Variants in RERE observed in about 807,000 individuals in gnomAD.
RERE encodes the protein arginine-glutamic acid dipeptide repeats protein.
In RERE, 40 loss-of-function variants were observed where a neutral mutation model predicts 146.1. The ratio of observed to expected loss-of-function variants is 0.27; its 90% CI spans 0.21 to 0.36. The LOEUF (loss-of-function observed/expected upper bound fraction) is 0.36, where lower values mean the gene tolerates loss of function less well. Ranked by LOEUF, RERE falls within the 10% of genes least tolerant of loss-of-function variation. The pLI, the probability that RERE is intolerant of heterozygous loss-of-function variation, is 1.00. For synonymous variants in RERE, 1,003 were observed against 866.0 expected (o/e 1.16, Z -2.78); for missense variants, 1,933 against 2,138.7 (o/e 0.90, Z 1.90).
At chr1:8,672,958 A>T (rs1015633920) in intron 1 of RERE, among the ~76,000 whole-genome samples, 3 of 152,242 alleles carry the variant, frequency 2.0e-5, no homozygotes, top group Non-Finnish European at 4.4e-5. Flanking sequence ...TTTAATCAGC[A>T]GTAATTAGAA....
intron 11 of RERE, 152 bp from the exon 12 acceptor site, chr1:8,422,959 A>G (rs1643933133): frequency 3.2e-6 from 2 of 629,690 alleles, no homozygotes; most frequent in African/African-American, 3.7e-5. Flanking sequence ...TCAGCAGCTC[A>G]GCTGGGACCC....
chr1:8,811,668 G>A (rs1641813457), intron 1 of RERE, among the ~76,000 whole-genome samples: 1 of 152,212 alleles, frequency 6.6e-6, no homozygotes, highest in African/African-American at 2.4e-5. Flanking sequence ...GAATGTGTCC[G>A]TGCATGCTCT....
At chr1:8,458,671 G>A (rs936870242) in intron 11 of RERE, among the ~76,000 whole-genome samples, 1 of 152,124 alleles carries the variant, frequency 6.6e-6, no homozygotes, top group African/African-American at 2.4e-5. Context: ...GGCTGGGGAT[G>A]ATGGACTTAA....
At chr1:8,373,145 T>C (rs925478158) in intron 12 of RERE, among the ~76,000 whole-genome samples, 1 of 152,114 alleles carries the variant, frequency 6.6e-6, no homozygotes, top group Admixed American at 6.5e-5. Flanking sequence ...CATCGCAGAG[T>C]CTTAGAAGTA....
In RERE at chr1:8,656,006, T is replaced by C. The variant is rs775979529; in HGVS notation, c.292A>G (p.Ile98Val). The C allele has an allele frequency of 3.1e-6, 5 of 1,614,150 alleles. No homozygotes were observed. The highest frequency in any genetic ancestry group is 4.5e-5 in the East Asian group (2 of 44,890). ...CTGTAGACCACATCATCTTCAGTGA[T>C]GTAGGATGTTATCTCACCGGTATCT... ...RTDTGEITSY[I>V]TEDDVVYRPG... The change falls in exon 2 of 23, where the codon ATC becomes GTC. Residue 98 changes from isoleucine (I) to valine (V), a missense_variant. This residue lies in a region of RERE where 2 missense variants were observed against 21.3 expected (regional missense o/e 0.09). Coordinates refer to ENST00000400908, the MANE Select transcript of RERE (RefSeq NM_001042681.2).
intron 4 of RERE, among the ~76,000 whole-genome samples, chr1:8,573,777 G>C (rs1468340537): frequency 6.6e-6 from 1 of 152,102 alleles, no homozygotes. Context: ...TTATGTCTAA[G>C]CATGGTTTTA....
chr1:8,757,484 G>C (rs1001891902), intron 1 of RERE, among the ~76,000 whole-genome samples: 2 of 152,148 alleles, frequency 1.3e-5, no homozygotes, highest in Non-Finnish European at 2.9e-5. Context: ...AAGAGACCTA[G>C]AATTTACATA....
At chr1:8,694,985 G>GGGGGGGA (rs1557486422) in intron 1 of RERE, among the ~76,000 whole-genome samples, 1 of 79,414 alleles carries the variant, frequency 1.3e-5, no homozygotes, top group African/African-American at 5.2e-5. Context: ...GGGGGGGGGG[G>GGGGGGGA]AATGCTGGCA....
At chr1:8,526,425 T>C (rs186104318) in intron 7 of RERE, among the ~76,000 whole-genome samples, 11 of 151,624 alleles carry the variant, frequency 7.3e-5, no homozygotes, top group African/African-American at 9.7e-5. Context: ...TTTAAAAACA[T>C]AGTAGTAGCT....
chr1:8,643,694 C>A lies in RERE; in HGVS notation c.325+12279G>T, dbSNP rs112127085. ...GAAGGCACCAAAACAATGCAGTAAT[C>A]TGGGGGTTTTTGTGAAGGTGAGCAC... On this transcript the variant is annotated intron_variant, in intron 2 of 22. Transcript: ENST00000400908. Among the ~76,000 whole-genome samples, 1,447 of 152,266 alleles carry A rather than the reference C, an allele frequency of 9.5e-3. 24 individuals carry two copies. The highest frequency in any genetic ancestry group is 0.033 in the African/African-American group (1,391 of 41,550).
intron 1 of RERE, among the ~76,000 whole-genome samples, chr1:8,701,328 ACACTCC>A (rs1437618773): frequency 8.0e-6 from 1 of 124,646 alleles, no homozygotes; most frequent in African/African-American, 3.4e-5. Flanking sequence ...ACACACGCAC[ACACTCC>A]CTCCCTCCCT....
chr1:8,638,333 C>T (rs1647127832), intron 2 of RERE, among the ~76,000 whole-genome samples: 2 of 152,176 alleles, frequency 1.3e-5, no homozygotes, highest in African/African-American at 2.4e-5. Context: ...ATGTCATAGG[C>T]ACTGCCAGTA....
chr1:8,709,146 T>C (rs1231072090), intron 1 of RERE, among the ~76,000 whole-genome samples: 1 of 151,988 alleles, frequency 6.6e-6, no homozygotes, highest in African/African-American at 2.4e-5. Flanking sequence ...GGTCTCGATC[T>C]CCTGACCTCA....
At chr1:8,638,500 C>T (rs146256991) in intron 2 of RERE, among the ~76,000 whole-genome samples, 14 of 152,270 alleles carry the variant, frequency 9.2e-5, no homozygotes, top group Non-Finnish European at 1.3e-4. Flanking sequence ...GGTTATGAAT[C>T]TCAGCATGAA....
chr1:8,670,135 T>C (rs1638680015), intron 1 of RERE, among the ~76,000 whole-genome samples: 2 of 152,180 alleles, frequency 1.3e-5, no homozygotes, highest in African/African-American at 4.8e-5. Context: ...TGATTCTAGG[T>C]TGACCAAATG....
intron 10 of RERE, among the ~76,000 whole-genome samples, chr1:8,487,644 G>GATA (rs529168182): frequency 4.7e-4 from 72 of 152,202 alleles, no homozygotes; most frequent in African/African-American, 1.7e-3. Flanking sequence ...AGATTAGAAA[G>GATA]ATAATGTCCA....
chr1:8,743,591 C>G (rs1018355540), intron 1 of RERE, among the ~76,000 whole-genome samples: 4 of 151,970 alleles, frequency 2.6e-5, no homozygotes, highest in Non-Finnish European at 5.9e-5. Flanking sequence ...TATTTTTATT[C>G]CAACTGATAT....
rs77045086 is a variant in RERE at position 8,425,552 on chromosome 1, C to G, written c.1204-2745G>C. ...TGGTGACCGGGCCCTCCGTGAAGGT[C>G]AGAGGTGGAGAATGGGAGGTGGGTT... is the stretch of plus-strand genomic sequence containing the variant. On this transcript the variant is annotated intron_variant, in intron 11 of 22. Coordinates refer to ENST00000400908, the MANE Select transcript of RERE (RefSeq NM_001042681.2). 1,345 of 152,378 alleles carry G rather than the reference C, an allele frequency of 8.8e-3. 19 individuals carry two copies. The highest frequency in any genetic ancestry group is 0.031 in the African/African-American group (1,283 of 41,530). 9.4% of individuals were successfully genotyped at this position (152,378 alleles called of 1,614,324 possible).
At chr1:8,517,893 T>C (rs150279468) in intron 7 of RERE, among the ~76,000 whole-genome samples, 5 of 152,310 alleles carry the variant, frequency 3.3e-5, no homozygotes, top group African/African-American at 9.6e-5. Flanking sequence ...GCAGGGAGCC[T>C]GTAAATGAAT....
Sources: allele counts gnomAD v4.1 joint callset (sites outside exome capture counted in the v4.1 genomes callset), GRCh38; gene constraint gnomAD v4.1.1; regional missense constraint gnomAD v4.1.1; transcripts MANE v1.5; gene names NCBI Gene and HGNC (gene_info 2026-07-23, HGNC 2026-07-21).